Variants in COL3A1 observed in about 807,000 individuals in gnomAD.
COL3A1 encodes collagen type III alpha 1 chain.
A neutral mutation model predicts 200.9 loss-of-function variants in COL3A1; 46 were observed. The ratio of observed to expected loss-of-function variants is 0.23; its 90% CI spans 0.18 to 0.29. COL3A1 has a LOEUF of 0.29. Among genes scored for constraint, COL3A1 ranks in the 10% least tolerant of loss-of-function variants. COL3A1 has a pLI of 1.00. For missense variants in COL3A1, 1,367 were observed against 1,917.6 expected, an observed-to-expected ratio of 0.71 and a Z score of 5.36; for synonymous variants, 650 against 628.0, an observed-to-expected ratio of 1.03 and a Z score of -0.52.
chr2:189,000,941 T>TA (rs1255870801), intron 32 of COL3A1, among the ~76,000 whole-genome samples: 14 of 152,150 alleles, frequency 9.2e-5, no homozygotes, highest in South Asian at 2.1e-4. Flanking sequence ...GTCATTCAGG[T>TA]AAAAAGAGTG....
At chr2:188,989,766 C>A (rs1688147159) in intron 8 of COL3A1, among the ~76,000 whole-genome samples, 1 of 152,054 alleles carries the variant, frequency 6.6e-6, no homozygotes, top group African/African-American at 2.4e-5. Flanking sequence ...GAAATTGATA[C>A]CACTATTTAA....
At chr2:188,996,644 A>G (rs1688326599) in intron 24 of COL3A1, 148 bp downstream of exon 24, 2 of 687,666 alleles carry the variant, frequency 2.9e-6, no homozygotes, top group Admixed American at 5.2e-5. Flanking sequence ...AAGGGAGCTA[A>G]ATATATAATT....
chr2:188,991,800 T>TA, intron 13 of COL3A1, 78 bp downstream of exon 13: 2 of 1,453,880 alleles, frequency 1.4e-6, no homozygotes, highest in Non-Finnish European at 1.9e-6. Flanking sequence ...TTTCAGGCTG[T>TA]AAAAATATGT....
chr2:188,998,822 G>A lies in COL3A1; in HGVS notation c.2022+104G>A, dbSNP rs530322314. On this transcript the variant is annotated intron_variant, in intron 29 of 50. Coordinates refer to ENST00000304636, the MANE Select transcript of COL3A1 (RefSeq NM_000090.4). The stretch of plus-strand genomic sequence containing the variant: ...GCCAAAATACTCTTTCTTTAAAAGA[G>A]CATCATTGCAAATGTTTGGTAAGTA... The A allele has an allele frequency of 2.3e-5, 23 of 1,020,160 alleles. No homozygotes were observed. The Admixed American group carries it at 2.5e-4, about 11-fold the overall frequency. The allele number at this position is 1,020,160 out of a possible 1,614,324, so 63.2% of individuals were successfully genotyped here. A position where few individuals can be genotyped will look rare whatever the true frequency, so the allele number is the denominator to read the frequency against.
In COL3A1 at chr2:189,007,605, C is replaced by A. The variant is rs1336667695; in HGVS notation, c.3361C>A (p.Pro1121Thr). The change falls in exon 45 of 51, where the codon CCA becomes ACA. Residue 1121 changes from proline to threonine, a missense_variant and splice_region_variant. Pro to Thr is a conservative substitution (Grantham distance 38, BLOSUM62 -1). This residue lies in a region of COL3A1 where 846 missense variants were observed against 1,147.9 expected (regional missense o/e 0.74). Coordinates refer to ENST00000304636, the MANE Select transcript of COL3A1 (RefSeq NM_000090.4). ...TGGTAATCCAGGTGCCCCAGGTTCT[C>A]CAGTAAGTGCATTCATTTTGTTGGA... Reference protein sequence around the residue: ...FPGNPGAPGSPGPAGQQGAIG... With the variant: ...FPGNPGAPGSTGPAGQQGAIG... The A allele has an allele frequency of 6.2e-7, 1 of 1,609,254 alleles. No individual in the cohort carries two copies. The highest frequency in any genetic ancestry group is 8.5e-7 in the Non-Finnish European group (1 of 1,177,068).
At chr2:188,998,213 T>C in intron 27 of COL3A1, 53 bp from the exon 28 acceptor site, 1 of 1,528,492 alleles carries the variant, frequency 6.5e-7, no homozygotes, top group Non-Finnish European at 9.1e-7. Context: ...TGAGAAGCTT[T>C]TCTATAAGCC....
chr2:188,996,717 G>T (rs1455008000), intron 24 of COL3A1, among the ~76,000 whole-genome samples: 2 of 152,120 alleles, frequency 1.3e-5, no homozygotes, highest in African/African-American at 4.8e-5. Flanking sequence ...GGCTGGGTGC[G>T]CTGGCTCACG....
chr2:189,002,742 A>G (rs2153503347), intron 35 of COL3A1, among the ~76,000 whole-genome samples: 1 of 152,338 alleles, frequency 6.6e-6, no homozygotes, highest in Non-Finnish European at 1.5e-5. Flanking sequence ...CTAATGGCAA[A>G]TAATGCACAG....
chr2:189,007,802 T>A (rs1171715782), intron 45 of COL3A1, 83 bp from the exon 46 acceptor site: 1 of 1,503,576 alleles, frequency 6.7e-7, no homozygotes, highest in Non-Finnish European at 9.2e-7. Context: ...ATGATCCCCA[T>A]GTTTCTTGAT....
intron 28 of COL3A1, 34 bp downstream of exon 28, chr2:188,998,353 CAAAA>C (rs1339633739): frequency 1.3e-6 from 2 of 1,573,676 alleles, no homozygotes; most frequent in Non-Finnish European, 1.7e-6. Context: ...AACTCAGAAA[CAAAA>C]AGAATACACA....
intron 48 of COL3A1, among the ~76,000 whole-genome samples, chr2:189,009,703 A>G (rs888874293): frequency 4.6e-5 from 7 of 152,148 alleles, no homozygotes; most frequent in Non-Finnish European, 1.0e-4. Context: ...TGAAAAGCAA[A>G]ATTATTTCAA....
At chr2:189,010,615 T>C (rs774932566) in intron 49 of COL3A1, 33 bp from the exon 50 acceptor site, 1 of 1,613,914 alleles carries the variant, frequency 6.2e-7, no homozygotes, top group Admixed American at 1.7e-5. Context: ...ACAACTGAAA[T>C]GTTTGATCTG....
intron 5 of COL3A1, 46 bp downstream of exon 5, chr2:188,987,185 T>C (rs1364847921): frequency 9.3e-6 from 14 of 1,507,264 alleles, no homozygotes; most frequent in Non-Finnish European, 1.3e-5. Context: ...ATTATCTTTC[T>C]GGTTTGTAAA....
At position 189,010,716 on chromosome 2, in the gene COL3A1, C is replaced by G. The variant is rs771682647; in HGVS notation, c.4080C>G (p.Leu1360=). The change falls in exon 50 of 51, where the codon CTC becomes CTG. Residue 1360 remains leucine (L), a synonymous_variant. Transcript: ENST00000304636. ...LDVHLAFLRL[L]SSRASQNITY... ...TGCATCTGGCATTCCTTCGACTTCT[C>G]TCCAGCCGAGCTTCCCAGAACATCA... The G allele has an allele frequency of 7.9e-5, 127 of 1,614,026 alleles. No individual in the cohort carries two copies. Among genetic ancestry groups the G allele is most frequent in the Non-Finnish European group, 1.1e-4 (126 of 1,180,008 alleles).
intron 27 of COL3A1, 92 bp from the exon 28 acceptor site, chr2:188,998,174 T>G: frequency 8.1e-7 from 1 of 1,231,826 alleles, no homozygotes; most frequent in South Asian, 1.3e-5. Flanking sequence ...GAACTTTTTT[T>G]TAATATCTTG....
chr2:188,993,443 GTGC>G lies in COL3A1; in HGVS notation c.1135_1137del (p.Ala379del). ...GAACCTGGACCTCAGGGACACGCTG[GTGC>G]TCAAGGTCCTCCTGTAAGTATCATA... On this transcript the variant is annotated inframe_deletion, in exon 16 of 51. Coordinates refer to ENST00000304636, the MANE Select transcript of COL3A1 (RefSeq NM_000090.4). The G allele has an allele frequency of 6.4e-7, 1 of 1,555,158 alleles. No homozygotes were observed. The highest frequency in any genetic ancestry group is 8.7e-7 in the Non-Finnish European group (1 of 1,148,894).
At chr2:189,007,405 A>G in intron 44 of COL3A1, 95 bp from the exon 45 acceptor site, 1 of 992,996 alleles carries the variant, frequency 1.0e-6, no homozygotes, top group Non-Finnish European at 1.5e-6. Context: ...TAGCTGATAG[A>G]AAGCCATAAA....
chr2:188,992,435 A>G (rs1688208967), intron 14 of COL3A1, among the ~76,000 whole-genome samples: 1 of 152,144 alleles, frequency 6.6e-6, no homozygotes, highest in African/African-American at 2.4e-5. Context: ...TATTGTATAT[A>G]CACTCCTGTG....
At position 188,995,049 on chromosome 2, in the gene COL3A1, GC is replaced by G. The variant is rs1262831030; in HGVS notation, c.1463del (p.Pro488LeufsTer48). 1 of 1,614,014 alleles carries G rather than the reference GC, an allele frequency of 6.2e-7. No homozygotes were observed. The highest frequency in any genetic ancestry group is 8.5e-7 in the Non-Finnish European group (1 of 1,179,986). The part of the protein sequence containing the change: ...GLPGAAGERG[A>X]PGFRGPAGPN... Reference sequence around the variant, plus strand: ...ACTTGTCTTTCATTATTTTCAGGGTGCCCCTGGGTTCCGAGGACCTGCTGGA... The same window carrying G: ...ACTTGTCTTTCATTATTTTCAGGGTGCCCTGGGTTCCGAGGACCTGCTGGA... On this transcript the variant is annotated frameshift_variant, in exon 21 of 51. Transcript: ENST00000304636. LOFTEE classifies it high-confidence loss of function.
Sources: allele counts gnomAD v4.1 joint callset (sites outside exome capture counted in the v4.1 genomes callset), GRCh38; gene constraint gnomAD v4.1.1; regional missense constraint gnomAD v4.1.1; transcripts MANE v1.5; gene names NCBI Gene and HGNC (gene_info 2026-07-23, HGNC 2026-07-21).